SLC6A7: variants seen among roughly 807,000 people sequenced by gnomAD.
SLC6A7 encodes sodium-dependent proline transporter.
Under a neutral mutation model 73.1 loss-of-function variants are expected in SLC6A7, and 58 were observed. The ratio of observed to expected loss-of-function variants is 0.79; its 90% CI spans 0.64 to 0.99. The LOEUF is 0.99. Ranked by LOEUF, SLC6A7 falls within the 50% of genes least tolerant of loss-of-function variation. The pLI is 0.00. For synonymous variants in SLC6A7, 338 were observed against 338.7 expected (o/e 1.00, Z 0.02); for missense variants, 783 against 831.4 (o/e 0.94, Z 0.72).
At chr5:150,197,366 C>T (rs1160034503) in intron 4 of SLC6A7, 90 bp downstream of exon 4, 11 of 818,162 alleles carry the variant, frequency 1.3e-5, no homozygotes, top group South Asian at 5.3e-5. Flanking sequence ...CAGCATGTAC[C>T]GCCAAGATGA....
At chr5:150,196,883 C>T (rs1211089464) in intron 3 of SLC6A7, 36 bp downstream of exon 3, 1 of 1,604,276 alleles carries the variant, frequency 6.2e-7, no homozygotes, top group Admixed American at 1.7e-5. Context: ...GGGAAGGGCT[C>T]AGGGTCTGGG....
rs79706642 is a variant in SLC6A7, at chr5:150,199,124, G to A, written c.585-104G>A. The A allele has an allele frequency of 5.3e-3, 7,515 of 1,417,712 alleles. 36 individuals carry two copies. The highest frequency in any genetic ancestry group is 9.2e-3 in the Middle Eastern group (43 of 4,692). 87.8% of individuals were successfully genotyped at this position (1,417,712 alleles called of 1,614,324 possible). A position where few individuals can be genotyped will look rare whatever the true frequency, so the allele number is the denominator to read the frequency against. On this transcript the variant is annotated intron_variant, in intron 4 of 13. Coordinates refer to ENST00000230671, the MANE Select transcript of SLC6A7 (RefSeq NM_014228.5). ...TGGAGAGGGATCAAGAGGGCGTCAA[G>A]TGGAGAACAGCAGTAGAGCCTTGTG... is the stretch of plus-strand genomic sequence containing the variant.
chr5:150,209,605 CGAT>C lies in SLC6A7; in HGVS notation c.1906_1908del (p.Met636del), dbSNP rs1562107935. 1.9e-6 allele frequency: 3 copies of C among 1,602,918 alleles called. No individual in the cohort carries two copies. Among genetic ancestry groups the C allele is most frequent in the Admixed American group, 1.7e-5 (1 of 57,784 alleles). Reference sequence around the variant, plus strand: ...CGTGAGATTGCAGAGGAGGAGGAGTCGATGATGTGAGGCAGGAGGCAGGCGGGC... The same window carrying C: ...CGTGAGATTGCAGAGGAGGAGGAGTCGATGTGAGGCAGGAGGCAGGCGGGC... On this transcript the variant is annotated inframe_deletion, in exon 14 of 14. Transcript: ENST00000230671.
At chr5:150,195,954 G>C (rs190802297) in intron 2 of SLC6A7, among the ~76,000 whole-genome samples, 1 of 152,150 alleles carries the variant, frequency 6.6e-6, no homozygotes. Context: ...ACAGGCCTTG[G>C]GGGGAGGTGG....
At chr5:150,202,777 C>G (rs1753456731) in intron 8 of SLC6A7, 74 bp downstream of exon 8, 2 of 1,530,276 alleles carry the variant, frequency 1.3e-6, no homozygotes, top group Admixed American at 3.7e-5. Flanking sequence ...AGTGGACCAG[C>G]AAGATTATGG....
rs1753883578 is a variant in SLC6A7, at chr5:150,209,796, A to AC, written c.*186dup. 3 of 615,896 alleles carry AC rather than the reference A, an allele frequency of 4.9e-6. No homozygotes were observed. The highest frequency in any genetic ancestry group is 8.8e-6 in the Non-Finnish European group (3 of 340,786). 38.2% of individuals were successfully genotyped at this position (615,896 alleles called of 1,614,324 possible). Reference sequence around the variant, plus strand: ...TCTGCCTCTCCTGAAACCTCTGACAACCCCCTACACACACACACAGGCATA... The same window carrying AC: ...TCTGCCTCTCCTGAAACCTCTGACAACCCCCCTACACACACACACAGGCATA... On this transcript the variant is annotated 3_prime_UTR_variant, in exon 14 of 14. Transcript: ENST00000230671.
chr5:150,205,234 T>TG (rs5872164), intron 12 of SLC6A7, among the ~76,000 whole-genome samples: 152,326 of 152,328 alleles, frequency 1, 76,162 homozygotes, highest in Middle Eastern at 1. Context: ...GCCTCAGAAA[T>TG]GGCTTGTGCA....
In SLC6A7 at chr5:150,205,539, C is replaced by T. The variant is rs747946290; in HGVS notation, c.1617C>T (p.Gly539=). 16 of 1,613,612 alleles carry T rather than the reference C, an allele frequency of 9.9e-6. No homozygotes were observed. The Admixed American group carries it at 2.7e-4, about 27-fold the overall frequency. ...YRFPPWAELL[G]ILMGLLSCLM... ...TCCCGCCCTGGGCTGAGCTGCTGGG[C>T]ATCCTGATGGGCCTGCTGTCCTGCC... Residue 539 remains glycine (G), a synonymous_variant, in exon 13 of 14, where the codon GGC becomes GGT. Transcript: ENST00000230671.
At chr5:150,202,831 T>A in intron 8 of SLC6A7, 128 bp downstream of exon 8, 4 of 1,049,872 alleles carry the variant, frequency 3.8e-6, no homozygotes, top group Non-Finnish European at 5.4e-6. Flanking sequence ...TCCCAGCACT[T>A]TGGGAGGCCA....
At chr5:150,209,275 C>T in intron 13 of SLC6A7, 131 bp from the exon 14 acceptor site, 3 of 749,998 alleles carry the variant, frequency 4.0e-6, no homozygotes, top group Non-Finnish European at 6.8e-6. Flanking sequence ...CCCCCCACTT[C>T]CCCGCCAGGG....
intron 1 of SLC6A7, among the ~76,000 whole-genome samples, chr5:150,192,915 C>T (rs375704300): frequency 8.5e-5 from 13 of 152,116 alleles, no homozygotes; most frequent in African/African-American, 2.2e-4. Flanking sequence ...CCATTCCTCC[C>T]GGAGCTCACC....
In SLC6A7 at chr5:150,202,716, C is replaced by T. The variant is rs1753452316; in HGVS notation, c.1087+13C>T. ...GTAGCCAAAGCAGGTGGGCAGGCTG[C>T]CAGGCCTCAGTGGGGTGAGCATGTG... On this transcript the variant is annotated intron_variant, in intron 8 of 13. Transcript: ENST00000230671. The T allele has an allele frequency of 6.2e-7, 1 of 1,613,374 alleles. No homozygotes were observed. Among genetic ancestry groups the T allele is most frequent in the Non-Finnish European group, 8.5e-7 (1 of 1,179,538 alleles).
At chr5:150,191,344 C>A (rs867479859) in intron 1 of SLC6A7, among the ~76,000 whole-genome samples, 1 of 144,602 alleles carries the variant, frequency 6.9e-6, no homozygotes, top group Non-Finnish European at 1.5e-5. Flanking sequence ...TTCACACTCA[C>A]ACTCACTCAC....
Position 150,194,802 on chromosome 5 carries a change from C to T in SLC6A7, c.108C>T (p.His36=). The T allele has an allele frequency of 6.2e-7, 1 of 1,614,098 alleles. No homozygotes were observed. Among genetic ancestry groups the T allele is most frequent in the Non-Finnish European group, 8.5e-7 (1 of 1,179,968 alleles). The change falls in exon 2 of 14, where the codon CAC becomes CAT. Residue 36 remains histidine, a synonymous_variant. Transcript: ENST00000230671. Reference sequence around the variant, plus strand: ...ACCTGGATGTGGACTTTGCTGCACACCGGGGGAACTGGACAGGCAAGCTGG... The same window carrying T: ...ACCTGGATGTGGACTTTGCTGCACATCGGGGGAACTGGACAGGCAAGCTGG... ...DVDLDVDFAA[H]RGNWTGKLDF...
In SLC6A7 at chr5:150,193,262, G is replaced by T. The variant is rs565109554; in HGVS notation, c.34-1466G>T. On this transcript the variant is annotated intron_variant, in intron 1 of 13. Coordinates refer to ENST00000230671, the MANE Select transcript of SLC6A7 (RefSeq NM_014228.5). Reference sequence around the variant, plus strand: ...CACCATCACTGAGGGTCTCCTAAGGGAGAATGCCCCATGGACCTCTCACCC... The same window carrying T: ...CACCATCACTGAGGGTCTCCTAAGGTAGAATGCCCCATGGACCTCTCACCC... Among the ~76,000 whole-genome samples the T allele has an allele frequency of 7.2e-5, 11 of 152,330 alleles. No homozygotes were observed. In the South Asian group the frequency reaches 2.1e-3, roughly 29 times the overall value.
chr5:150,198,109 AAGAAAG>A lies in SLC6A7; in HGVS notation c.584+841_584+846del, dbSNP rs766426482. ...AAAGAAAGAAAGAAAGAAAGAAAGA[AAGAAAG>A]AGAAAGAAAGAAAGAAAGAAAGAAA... On this transcript the variant is annotated intron_variant, in intron 4 of 13. Transcript: ENST00000230671. Among the ~76,000 whole-genome samples the A allele has an allele frequency of 5.7e-3, 603 of 105,294 alleles. 5 individuals are homozygous for A. The highest frequency in any genetic ancestry group is 0.012 in the African/African-American group (322 of 27,000). The allele number at this position is 105,294 out of a possible 152,430, so 69.1% of individuals were successfully genotyped here.
Position 150,197,220 on chromosome 5 carries a change from C to A in SLC6A7, c.528C>A (p.Asn176Lys), listed in dbSNP as rs753309865. The change falls in exon 4 of 14, where the codon AAC becomes AAA. Residue 176 changes from asparagine (N) to lysine (K), a missense_variant. Transcript: ENST00000230671. ...AGCACAGAGTCTCCAAGGACGGCAACGGGGCCCTGCCCCTCAACCTCACCT... is the reference window on the plus strand; with the variant it reads ...AGCACAGAGTCTCCAAGGACGGCAAAGGGGCCCTGCCCCTCAACCTCACCT... The part of the protein sequence containing the change: ...CLEHRVSKDG[N>K]GALPLNLTCT... 3.7e-6 allele frequency: 6 copies of A among 1,613,608 alleles called. No individual in the cohort carries two copies. The Admixed American group carries it at 5.0e-5, about 13-fold the overall frequency.
At position 150,204,051 on chromosome 5, in the gene SLC6A7, A is replaced by G. The variant is rs746550272; in HGVS notation, c.1332+13A>G. The G allele has an allele frequency of 4.3e-6, 7 of 1,610,652 alleles. No individual in the cohort carries two copies. Among genetic ancestry groups the G allele is most frequent in the Non-Finnish European group, 5.1e-6 (6 of 1,178,260 alleles). Reference sequence around the variant, plus strand: ...CCTCACCACTGATGTGAGTGGCGCTACAGGGAGGATGGCAGGTGGGCGGGA... The same window carrying G: ...CCTCACCACTGATGTGAGTGGCGCTGCAGGGAGGATGGCAGGTGGGCGGGA... On this transcript the variant is annotated intron_variant, in intron 10 of 13. Coordinates refer to ENST00000230671, the MANE Select transcript of SLC6A7 (RefSeq NM_014228.5).
Position 150,202,677 on chromosome 5 carries a change from T to A in SLC6A7, c.1061T>A (p.Val354Glu), listed in dbSNP as rs1320104712. Residue 354 changes from valine to glutamate, a missense_variant, in exon 8 of 14, where the codon GTG (valine) becomes GAG (glutamate). Transcript: ENST00000230671. ...VLGYMSQELG[V>E]PVDQVAKAGP... The stretch of plus-strand genomic sequence containing the variant: ...GGCTACATGTCTCAGGAGCTGGGCG[T>A]GCCTGTGGACCAAGTAGCCAAAGCA... 7 of 1,614,056 alleles carry A rather than the reference T, an allele frequency of 4.3e-6. No individual in the cohort carries two copies. The African/African-American group carries it at 9.3e-5, about 22-fold the overall frequency.
Sources: allele counts gnomAD v4.1 joint callset (sites outside exome capture counted in the v4.1 genomes callset), GRCh38; gene constraint gnomAD v4.1.1; transcripts MANE v1.5; gene names NCBI Gene and HGNC (gene_info 2026-07-23, HGNC 2026-07-21).